The following NRDC variants were observed in gnomAD, a reference collection of about 807,000 sequenced individuals.
NRDC encodes the protein nardilysin.
A neutral mutation model predicts 147.1 loss-of-function variants in NRDC; 54 were observed. That is an observed-to-expected ratio of 0.37 (90% CI 0.29 to 0.46). The LOEUF is 0.46. Ranked by LOEUF, NRDC falls within the 20% of genes least tolerant of loss-of-function variation. The probability of loss-of-function intolerance (pLI) is 1.00; values close to 1 mark genes in which losing one functional copy is unlikely to be tolerated. For synonymous variants in NRDC, 440 were observed against 482.1 expected (o/e 0.91, Z 1.14); for missense variants, 1,082 against 1,370.6 (o/e 0.79, Z 3.33).
chr1:51,848,929 CT>C (rs1245343945), intron 1 of NRDC, among the ~76,000 whole-genome samples: 1 of 152,148 alleles, frequency 6.6e-6, no homozygotes, highest in African/African-American at 2.4e-5. Context: ...AGAACACATT[CT>C]TTTCAATACT....
Position 51,798,338 on chromosome 1 carries a change from G to T in NRDC, c.2515C>A (p.Leu839Ile), listed in dbSNP as rs1167730084. 1 of 1,613,980 alleles carries T rather than the reference G, an allele frequency of 6.2e-7. No homozygotes were observed. The highest frequency in any genetic ancestry group is 1.3e-5 in the African/African-American group (1 of 74,912). The change falls in exon 22 of 31, where the codon CTT becomes ATT. Residue 839 changes from leucine (L) to isoleucine (I), a missense_variant. Physicochemically the swap from Leu to Ile is conservative, Grantham distance 5 (BLOSUM62 2). Around this residue, in one of 3 missense-constraint regions of NRDC, gnomAD observed 635 missense variants for 923.8 expected, o/e 0.69. Transcript: ENST00000352171. ...IDKYQALMDG[L>I]SLESLLSFVK... Reference sequence around the variant, plus strand: ...AAGCTCAGCAGAGACTCAAGGGAAAGGCCGTCCATCAAAGCCTGGTACTTG... The same window carrying T: ...AAGCTCAGCAGAGACTCAAGGGAAATGCCGTCCATCAAAGCCTGGTACTTG...
chr1:51,858,908 G>T (rs896863777), intron 1 of NRDC, among the ~76,000 whole-genome samples: 1 of 152,124 alleles, frequency 6.6e-6, no homozygotes. Flanking sequence ...TTTTACCATA[G>T]TTTTAAATTT....
intron 2 of NRDC, among the ~76,000 whole-genome samples, chr1:51,839,336 T>A (rs547067378): frequency 2.2e-4 from 33 of 152,100 alleles, no homozygotes; most frequent in African/African-American, 6.3e-4. Context: ...TAATTTTTTT[T>A]AATGTTTTAG....
intron 1 of NRDC, among the ~76,000 whole-genome samples, chr1:51,847,382 T>C (rs1323190088): frequency 6.6e-6 from 1 of 152,160 alleles, no homozygotes; most frequent in Non-Finnish European, 1.5e-5. Flanking sequence ...GCGCCCGCAC[T>C]CCTCAGCCCT....
intron 20 of NRDC, among the ~76,000 whole-genome samples, chr1:51,803,308 C>G (rs149899346): frequency 0.038 from 5,707 of 152,122 alleles, 140 homozygotes; most frequent in South Asian, 0.11. Context: ...AACCCCATCT[C>G]TACTAAAAAT....
intron 1 of NRDC, among the ~76,000 whole-genome samples, chr1:51,846,849 G>A (rs1281460719): frequency 1.3e-5 from 2 of 152,226 alleles, no homozygotes; most frequent in Non-Finnish European, 2.9e-5. Context: ...ACAGAGAGCT[G>A]ATTGGTCCAT....
At chr1:51,841,402 G>C (rs1310747302) in intron 1 of NRDC, among the ~76,000 whole-genome samples, 1 of 152,096 alleles carries the variant, frequency 6.6e-6, no homozygotes, top group East Asian at 1.9e-4. Flanking sequence ...CGACCACCTG[G>C]GCTCAGGCAA....
intron 1 of NRDC, among the ~76,000 whole-genome samples, chr1:51,846,738 G>A (rs1433601654): frequency 6.6e-6 from 1 of 152,198 alleles, no homozygotes; most frequent in African/African-American, 2.4e-5. Context: ...GACCCAAGTG[G>A]GTTATCACCC....
intron 8 of NRDC, among the ~76,000 whole-genome samples, chr1:51,820,752 T>G (rs1009378758): frequency 6.6e-6 from 1 of 152,162 alleles, no homozygotes; most frequent in Non-Finnish European, 1.5e-5. Context: ...GAAGACTAAT[T>G]GGGAAAATCC....
chr1:51,795,166 A>G, intron 22 of NRDC: 1 of 1,360,750 alleles, frequency 7.3e-7, no homozygotes, highest in Non-Finnish European at 9.7e-7. Context: ...CTTTATGACA[A>G]CATGGACTAT....
intron 17 of NRDC, among the ~76,000 whole-genome samples, chr1:51,808,522 C>T (rs1268147497): frequency 6.6e-6 from 1 of 152,192 alleles, no homozygotes; most frequent in Non-Finnish European, 1.5e-5. Context: ...TTTGTTTATA[C>T]ATTCATCCAC....
intron 1 of NRDC, among the ~76,000 whole-genome samples, chr1:51,866,606 T>C (rs1682822255): frequency 6.6e-6 from 1 of 152,034 alleles, no homozygotes; most frequent in African/African-American, 2.4e-5. Flanking sequence ...AACGATGTAT[T>C]CATCAACAAA....
chr1:51,801,967 T>A (rs1679229173), intron 20 of NRDC, among the ~76,000 whole-genome samples: 1 of 152,142 alleles, frequency 6.6e-6, no homozygotes, highest in Non-Finnish European at 1.5e-5. Context: ...TTTTGTATCT[T>A]TAGTAGAGAC....
chr1:51,845,860 T>C lies in NRDC; in HGVS notation c.342-5346A>G, dbSNP rs17106820. On this transcript the variant is annotated intron_variant, in intron 1 of 30. Coordinates refer to ENST00000352171, the MANE Select transcript of NRDC (RefSeq NM_001101662.2). ...AAACATTTAATAAACAGATATTGAATAAACAAAAGAATGTTAACGCCTGGA... is the reference window on the plus strand; with the variant it reads ...AAACATTTAATAAACAGATATTGAACAAACAAAAGAATGTTAACGCCTGGA... Among the ~76,000 whole-genome samples, 1,436 of 152,126 alleles carry C rather than the reference T, an allele frequency of 9.4e-3. 25 individuals carry two copies. Among genetic ancestry groups the C allele is most frequent in the African/African-American group, 0.033 (1,369 of 41,510 alleles).
intron 1 of NRDC, among the ~76,000 whole-genome samples, chr1:51,848,407 G>T (rs955022594): frequency 2.6e-5 from 4 of 152,152 alleles, no homozygotes; most frequent in African/African-American, 7.2e-5. Context: ...CGTGAACCCG[G>T]GAGGCGGAGC....
chr1:51,810,128 C>G (rs1018414660), intron 16 of NRDC, among the ~76,000 whole-genome samples, 153 bp downstream of exon 16: 1 of 152,034 alleles, frequency 6.6e-6, no homozygotes, highest in Admixed American at 6.6e-5. Flanking sequence ...AAAATAACTT[C>G]CTGTGCAGTA....
At position 51,819,747 on chromosome 1, in the gene NRDC, T is replaced by C. The variant is rs372680324; in HGVS notation, c.1291+53A>G. 1.6e-5 allele frequency: 22 copies of C among 1,406,476 alleles called. No individual in the cohort carries two copies. The African/African-American group carries it at 2.0e-4, about 13-fold the overall frequency. 87.1% of individuals were successfully genotyped at this position (1,406,476 alleles called of 1,614,324 possible). A position where few individuals can be genotyped will look rare whatever the true frequency, so the allele number is the denominator to read the frequency against. On this transcript the variant is annotated intron_variant, in intron 9 of 30. Coordinates refer to ENST00000352171, the MANE Select transcript of NRDC (RefSeq NM_001101662.2). ...AAAATTGGCAGCTTCAATTAGGTTA[T>C]AGAGAATGTGCTAACATTATTTCAA...
chr1:51,796,877 C>T (rs191236769), intron 22 of NRDC, among the ~76,000 whole-genome samples: 6 of 150,010 alleles, frequency 4.0e-5, no homozygotes, highest in African/African-American at 9.7e-5. Context: ...TGAGCCACCG[C>T]GCCTGGCCAA....
chr1:51,841,531 T>A (rs1440574469), intron 1 of NRDC, among the ~76,000 whole-genome samples: 1 of 152,134 alleles, frequency 6.6e-6, no homozygotes, highest in Non-Finnish European at 1.5e-5. Context: ...GGTCTTGAAC[T>A]CCTGGGCTCA....
Sources: gnomAD v4.1 joint callset for allele counts (sites outside exome capture counted in the v4.1 genomes callset) on GRCh38, gnomAD v4.1.1 for gene constraint, gnomAD v4.1.1 regional missense constraint, MANE v1.5 for transcripts, NCBI Gene and HGNC (gene_info 2026-07-23, HGNC 2026-07-21) for gene names.